CCSER1: variants seen among roughly 807,000 people sequenced by gnomAD.
CCSER1 encodes serine-rich coiled-coil domain-containing protein 1.
A neutral mutation model predicts 82.0 loss-of-function variants in CCSER1; 41 were observed. The ratio of observed to expected loss-of-function variants is 0.50; its 90% confidence interval spans 0.39 to 0.65. The LOEUF (loss-of-function observed/expected upper bound fraction) is 0.65, where lower values mean the gene tolerates loss of function less well. Ranked by LOEUF, CCSER1 falls within the 30% of genes least tolerant of loss-of-function variation. The pLI is 0.00. For synonymous variants in CCSER1, 414 were observed against 383.9 expected (o/e 1.08, Z -0.92); for missense variants, 1,119 against 1,064.2 (o/e 1.05, Z -0.72).
intron 3 of CCSER1, among the ~76,000 whole-genome samples, chr4:90,350,600 T>A (rs1319010607): frequency 1.3e-5 from 2 of 152,098 alleles, no homozygotes; most frequent in African/African-American, 4.8e-5. Context: ...ATAATACTAA[T>A]CTACAGACAT....
chr4:90,812,389 C>T (rs2149749207), intron 7 of CCSER1, among the ~76,000 whole-genome samples: 1 of 152,256 alleles, frequency 6.6e-6, no homozygotes. Flanking sequence ...TTAACCATCA[C>T]ACCAGCATAG....
intron 10 of CCSER1, among the ~76,000 whole-genome samples, chr4:91,583,040 T>G (rs573823967): frequency 6.6e-6 from 1 of 151,512 alleles, no homozygotes; most frequent in Non-Finnish European, 1.5e-5. Context: ...GCCTAAACTA[T>G]ATATGAAAGC....
chr4:90,276,250 C>G lies in CCSER1; in HGVS notation c.-41-31994C>G, dbSNP rs1489715800. 1.8e-4 allele frequency among the ~76,000 whole-genome samples: 19 copies of G among 106,842 alleles called. 1 individual carries two copies. Among genetic ancestry groups the G allele is most frequent in the African/African-American group, 7.2e-4 (19 of 26,566 alleles). The allele number at this position is 106,842 out of a possible 152,430, so 70.1% of individuals were successfully genotyped here. A position where few individuals can be genotyped will look rare whatever the true frequency, so the allele number is the denominator to read the frequency against. On this transcript the variant is annotated intron_variant, in intron 1 of 10. Coordinates refer to ENST00000509176, the MANE Select transcript of CCSER1 (RefSeq NM_001145065.2). ...TCTTTCTTTCTTTCTTTCTTTCTTTCTTTCCTTCCTTCCTTCCTTCCTTCC... is the reference window on the plus strand; with the variant it reads ...TCTTTCTTTCTTTCTTTCTTTCTTTGTTTCCTTCCTTCCTTCCTTCCTTCC...
intron 10 of CCSER1, among the ~76,000 whole-genome samples, chr4:91,440,987 C>T (rs1175033056): frequency 6.6e-6 from 1 of 151,622 alleles, no homozygotes; most frequent in Non-Finnish European, 1.5e-5. Context: ...AATAGCTTAC[C>T]AACCAAAAAG....
chr4:91,483,754 T>G (rs976114562), intron 10 of CCSER1, among the ~76,000 whole-genome samples: 1 of 152,162 alleles, frequency 6.6e-6, no homozygotes. Context: ...TTCATTATAT[T>G]CCATTTTTAT....
At chr4:90,628,942 G>T (rs1171954020) in intron 6 of CCSER1, among the ~76,000 whole-genome samples, 1 of 152,112 alleles carries the variant, frequency 6.6e-6, no homozygotes, top group Admixed American at 6.6e-5. Flanking sequence ...TGTGAAGTGA[G>T]AGTTAGAAAT....
chr4:90,919,317 T>C (rs1267808155), intron 8 of CCSER1, among the ~76,000 whole-genome samples: 1 of 151,878 alleles, frequency 6.6e-6, no homozygotes, highest in African/African-American at 2.4e-5. Flanking sequence ...TGTACTAGGG[T>C]CTAGAGACCA....
At chr4:90,529,282 T>G (rs572201318) in intron 5 of CCSER1, among the ~76,000 whole-genome samples, 2 of 152,230 alleles carry the variant, frequency 1.3e-5, no homozygotes, top group African/African-American at 4.8e-5. Context: ...TGGGGAGATT[T>G]TGGCTCACTG....
Position 91,598,988 on chromosome 4 carries a change from G to A in CCSER1, c.2634G>A (p.Arg878=), listed in dbSNP as rs1050166317. The change falls in exon 11 of 11, where the codon AGG becomes AGA. Residue 878 remains arginine, a synonymous_variant. Transcript: ENST00000509176. ...CAATCTCTTTACACATGTACAGCAG[G>A]AAGAATGTGTTTCTCCACCACAATT... ...RGPISLHMYS[R]KNVFLHHNLH... The A allele has an allele frequency of 1.9e-6, 3 of 1,551,498 alleles. No homozygotes were observed. Among genetic ancestry groups the A allele is most frequent in the Non-Finnish European group, 2.6e-6 (3 of 1,146,880 alleles).
intron 10 of CCSER1, among the ~76,000 whole-genome samples, chr4:91,173,188 A>G (rs1286725943): frequency 6.6e-6 from 1 of 152,252 alleles, no homozygotes; most frequent in East Asian, 1.9e-4. Context: ...GAAGATTTTG[A>G]TTAATTTATT....
intron 10 of CCSER1, among the ~76,000 whole-genome samples, chr4:91,283,867 A>T (rs1156525173): frequency 6.6e-6 from 1 of 152,064 alleles, no homozygotes; most frequent in Non-Finnish European, 1.5e-5. Flanking sequence ...GAGTCTCTTA[A>T]ATTCAGCTCT....
intron 10 of CCSER1, among the ~76,000 whole-genome samples, chr4:91,227,850 A>G (rs1399155494): frequency 6.6e-6 from 1 of 152,040 alleles, no homozygotes; most frequent in African/African-American, 2.4e-5. Context: ...AAATTTTGTC[A>G]GTTTTGAGAA....
chr4:91,568,776 G>A (rs780414260), intron 10 of CCSER1, among the ~76,000 whole-genome samples: 13 of 151,890 alleles, frequency 8.6e-5, no homozygotes, highest in Non-Finnish European at 1.5e-4. Context: ...TCCTTAGACT[G>A]GGTTTAGCCA....
At chr4:91,588,810 G>A (rs1764131811) in intron 10 of CCSER1, among the ~76,000 whole-genome samples, 1 of 151,566 alleles carries the variant, frequency 6.6e-6, no homozygotes, top group African/African-American at 2.4e-5. Context: ...TGTGCATGTT[G>A]CTGAAGGAAA....
At chr4:91,113,384 G>A (rs1726256241) in intron 10 of CCSER1, among the ~76,000 whole-genome samples, 1 of 152,192 alleles carries the variant, frequency 6.6e-6, no homozygotes, top group Non-Finnish European at 1.5e-5. Flanking sequence ...GACCTACTGT[G>A]TGCCAAGACT....
rs116060779 is a variant in CCSER1 at position 91,122,234 on chromosome 4, T to G, written c.2217+36240T>G. Among the ~76,000 whole-genome samples, 896 of 151,892 alleles carry G rather than the reference T, an allele frequency of 5.9e-3. 11 individuals carry two copies. The highest frequency in any genetic ancestry group is 0.02 in the African/African-American group (843 of 41,542). ...TCAACAGTAAATAGTGATGGTTCCTTGATACTATCAATTATTCTTAGCCTA... is the reference window on the plus strand; with the variant it reads ...TCAACAGTAAATAGTGATGGTTCCTGGATACTATCAATTATTCTTAGCCTA... On this transcript the variant is annotated intron_variant, in intron 10 of 10. Coordinates refer to ENST00000509176, the MANE Select transcript of CCSER1 (RefSeq NM_001145065.2).
intron 5 of CCSER1, among the ~76,000 whole-genome samples, chr4:90,499,123 T>C (rs531303890): frequency 3.9e-5 from 6 of 152,176 alleles, no homozygotes; most frequent in African/African-American, 1.4e-4. Context: ...TATGTGTGTG[T>C]GTGTGTGTGC....
At chr4:91,349,408 T>C (rs185687756) in intron 10 of CCSER1, among the ~76,000 whole-genome samples, 5 of 126,098 alleles carry the variant, frequency 4.0e-5, no homozygotes, top group African/African-American at 1.7e-4. Context: ...CTTCTTTCAG[T>C]TGTATTCTCC....
chr4:91,009,244 A>C (rs1464332940), intron 9 of CCSER1, among the ~76,000 whole-genome samples: 1 of 152,212 alleles, frequency 6.6e-6, no homozygotes, highest in Non-Finnish European at 1.5e-5. Flanking sequence ...GAGCTCCCAT[A>C]CAAAGGGAGG....
Sources: gnomAD v4.1 joint callset for allele counts (sites outside exome capture counted in the v4.1 genomes callset) on GRCh38, gnomAD v4.1.1 for gene constraint, MANE v1.5 for transcripts, NCBI Gene and HGNC (gene_info 2026-07-23, HGNC 2026-07-21) for gene names.